RNF125: variants seen among roughly 807,000 people sequenced by gnomAD.
RNF125 encodes ring finger protein 125, also known as E3 ubiquitin-protein ligase RNF125.
In RNF125, 21 loss-of-function variants were observed where a neutral mutation model predicts 26.0. The ratio of observed to expected loss-of-function variants is 0.81; its 90% CI spans 0.57 to 1.16. The LOEUF is 1.16. Ranked by LOEUF, RNF125 falls within the 50% of genes most tolerant of loss-of-function variation. The pLI is 0.00. For missense variants in RNF125, 270 were observed against 299.4 expected, an observed-to-expected ratio of 0.90 and a Z score of 0.72; for synonymous variants, 95 against 109.2, an observed-to-expected ratio of 0.87 and a Z score of 0.81.
the RNF125 span, among the ~76,000 whole-genome samples, chr18:32,083,640 G>A: frequency 4.9e-4 from 75 of 152,274 alleles, no homozygotes; most frequent in African/African-American, 1.7e-3. Context: ...GGTCAGGTGC[G>A]GTGGCTCATG....
At chr18:32,050,865 CTTTTTTTTTTTT>C (rs531751585) in intron 4 of RNF125, among the ~76,000 whole-genome samples, 42 of 46,344 alleles carry the variant, frequency 9.1e-4, no homozygotes, top group South Asian at 3.3e-3. Flanking sequence ...GTCTAGAGTG[CTTTTTTTTTTTT>C]TTTTTTTTTT....
At position 32,072,485 on chromosome 18, in the gene RNF125, C is replaced by G. The variant is rs924635738; in HGVS notation, c.*4101C>G. On this transcript the variant is annotated 3_prime_UTR_variant, in exon 6 of 6. Coordinates refer to ENST00000217740, the MANE Select transcript of RNF125 (RefSeq NM_017831.4). ...TTAAGTCATCTGTCACTATTAACCT[C>G]AGTGCAGCAATTCTGACTCCTGTGC... 5.3e-5 allele frequency: 8 copies of G among 152,182 alleles called. No homozygotes were observed. The highest frequency in any genetic ancestry group is 1.9e-4 in the African/African-American group (8 of 41,448). The allele number at this position is 152,182 out of a possible 1,614,324, so 9.4% of individuals were successfully genotyped here.
At chr18:32,042,081 C>T (rs1002138986) in intron 2 of RNF125, 98 bp from the exon 3 acceptor site, 2 of 804,466 alleles carry the variant, frequency 2.5e-6, no homozygotes, top group Non-Finnish European at 4.2e-6. Context: ...GTTGATCCCA[C>T]AGTATGACCT....
chr18:32,078,338 A>G, the RNF125 span, among the ~76,000 whole-genome samples: 2 of 152,232 alleles, frequency 1.3e-5, no homozygotes, highest in African/African-American at 4.8e-5. Context: ...ACCATTCATA[A>G]TGACAAAAAA....
chr18:32,034,408 G>T (rs938975448), intron 1 of RNF125, among the ~76,000 whole-genome samples: 1 of 152,156 alleles, frequency 6.6e-6, no homozygotes, highest in African/African-American at 2.4e-5. Context: ...GGTTATAGTC[G>T]GTCTGGGGGT....
chr18:32,028,024 C>T (rs1440566709), intron 1 of RNF125, among the ~76,000 whole-genome samples: 2 of 151,820 alleles, frequency 1.3e-5, no homozygotes, highest in African/African-American at 2.4e-5. Context: ...GTCGGCCGGG[C>T]GCGGTGGCTC....
intron 5 of RNF125, among the ~76,000 whole-genome samples, chr18:32,067,793 G>C (rs1170123327): frequency 1.3e-5 from 2 of 152,108 alleles, no homozygotes; most frequent in African/African-American, 4.8e-5. Context: ...CAGAGGATAG[G>C]GTTCTTAATG....
At chr18:32,034,775 C>T (rs2039135851) in intron 1 of RNF125, among the ~76,000 whole-genome samples, 1 of 151,652 alleles carries the variant, frequency 6.6e-6, no homozygotes, top group African/African-American at 2.4e-5. Flanking sequence ...ATTAGCCGGG[C>T]ATGGTGGTGC....
intron 1 of RNF125, among the ~76,000 whole-genome samples, chr18:32,028,335 G>A (rs1476613205): frequency 6.9e-6 from 1 of 145,888 alleles, no homozygotes; most frequent in Non-Finnish European, 1.5e-5. Context: ...ATAATAGGTA[G>A]TGGTTCATGA....
In RNF125 at chr18:32,020,002, CTGTG is replaced by C. The variant is rs149126113; in HGVS notation, c.164+1003_164+1006del. The stretch of plus-strand genomic sequence containing the variant: ...GCTGTGAATTTGTGCTCTCTGTTTA[CTGTG>C]TGTGTGTGTGTGTGTGTGTGTGTGT... On this transcript the variant is annotated intron_variant, in intron 1 of 5. Coordinates refer to ENST00000217740, the MANE Select transcript of RNF125 (RefSeq NM_017831.4). 6.5e-4 allele frequency among the ~76,000 whole-genome samples: 98 copies of C among 150,004 alleles called. No homozygotes were observed. In the East Asian group the frequency reaches 0.013, roughly 20 times the overall value.
At chr18:32,029,904 A>G (rs1379350577) in intron 1 of RNF125, among the ~76,000 whole-genome samples, 1 of 152,160 alleles carries the variant, frequency 6.6e-6, no homozygotes, top group African/African-American at 2.4e-5. Flanking sequence ...TGAGTTATCT[A>G]AAAAGCATCT....
intron 4 of RNF125, 81 bp from the exon 5 acceptor site, chr18:32,065,821 G>A (rs745397505): frequency 1.9e-5 from 19 of 987,482 alleles, no homozygotes; most frequent in South Asian, 5.4e-5. Flanking sequence ...GTAAGCCACC[G>A]CGCCCAGCCG....
Position 32,071,081 on chromosome 18 carries a change from T to C in RNF125, c.*2697T>C, listed in dbSNP as rs1412033218. The C allele has an allele frequency of 2.0e-5, 3 of 152,218 alleles. No individual in the cohort carries two copies. Among genetic ancestry groups the C allele is most frequent in the Non-Finnish European group, 4.4e-5 (3 of 68,080 alleles). The allele number at this position is 152,218 out of a possible 1,614,324, so 9.4% of individuals were successfully genotyped here. A position where few individuals can be genotyped will look rare whatever the true frequency, so the allele number is the denominator to read the frequency against. ...ATAGCATACTGTACTTTCTTCCTTT[T>C]ATCCCCCATTTATTCTTAGTTCTTC... On this transcript the variant is annotated 3_prime_UTR_variant, in exon 6 of 6. Transcript: ENST00000217740.
chr18:32,071,754 C>T lies in RNF125; in HGVS notation c.*3370C>T, dbSNP rs908254268. ...TACAAATAATTGGGAAAATGTAAAGCTGAATGAAATCTAGTGAGCCTCATA... is the reference window on the plus strand; with the variant it reads ...TACAAATAATTGGGAAAATGTAAAGTTGAATGAAATCTAGTGAGCCTCATA... On this transcript the variant is annotated 3_prime_UTR_variant, in exon 6 of 6. Transcript: ENST00000217740. 5.3e-5 allele frequency: 8 copies of T among 152,154 alleles called. No individual in the cohort carries two copies. The highest frequency in any genetic ancestry group is 1.9e-4 in the African/African-American group (8 of 41,442). The allele number at this position is 152,154 out of a possible 1,614,324, so 9.4% of individuals were successfully genotyped here.
At chr18:32,087,348 T>C in the RNF125 span, among the ~76,000 whole-genome samples, 8 of 148,248 alleles carry the variant, frequency 5.4e-5, no homozygotes, top group African/African-American at 2.0e-4. Flanking sequence ...ACCCAAAGAG[T>C]GGGCTATGGG....
At chr18:32,061,604 C>G (rs1408828732) in intron 4 of RNF125, among the ~76,000 whole-genome samples, 2 of 152,168 alleles carry the variant, frequency 1.3e-5, no homozygotes, top group Admixed American at 6.5e-5. Flanking sequence ...CTGCCTTTTC[C>G]CACGTTGATT....
intron 1 of RNF125, among the ~76,000 whole-genome samples, chr18:32,019,320 C>T (rs1568189627): frequency 6.6e-6 from 1 of 152,084 alleles, no homozygotes; most frequent in African/African-American, 2.4e-5. Context: ...ACGGGTCCCG[C>T]CCAGAGCCAG....
the RNF125 span, among the ~76,000 whole-genome samples, chr18:32,088,087 T>C: frequency 6.6e-6 from 1 of 152,198 alleles, no homozygotes; most frequent in Non-Finnish European, 1.5e-5. Flanking sequence ...TGTATGTACA[T>C]AGTCAAGAGT....
At chr18:32,024,274 C>T (rs2039012999) in intron 1 of RNF125, among the ~76,000 whole-genome samples, 1 of 85,888 alleles carries the variant, frequency 1.2e-5, no homozygotes, top group African/African-American at 5.6e-5. Flanking sequence ...ATGATCTTGG[C>T]TCATTGCAAC....
Sources: gnomAD v4.1 joint callset for allele counts (sites outside exome capture counted in the v4.1 genomes callset) on GRCh38, gnomAD v4.1.1 for gene constraint, MANE v1.5 for transcripts, NCBI Gene and HGNC (gene_info 2026-07-23, HGNC 2026-07-21) for gene names.